The following ZEB2 variants were observed in gnomAD, a reference collection of about 807,000 sequenced individuals.
ZEB2 encodes zinc finger E-box-binding homeobox 2.
Under a neutral mutation model 99.9 loss-of-function variants are expected in ZEB2, and 6 were observed. That is an observed-to-expected ratio of 0.06 (90% CI 0.03 to 0.12). ZEB2 has a LOEUF of 0.12. Ranked by LOEUF, ZEB2 falls within the 10% of genes least tolerant of loss-of-function variation. The pLI is 1.00. For synonymous variants in ZEB2, 517 were observed against 542.5 expected (o/e 0.95, Z 0.65); for missense variants, 969 against 1,502.8 (o/e 0.64, Z 5.87).
intron 2 of ZEB2, chr2:144,516,694 C>A (rs1705151986): frequency 6.6e-6 from 1 of 151,988 alleles, no homozygotes; most frequent in Non-Finnish European, 1.5e-5. Flanking sequence ...CTCCCTCCCA[C>A]CCCGGGGTCT....
Position 144,406,691 on chromosome 2 carries a change from T to C in ZEB2, c.404-1667A>G, listed in dbSNP as rs180800721. On this transcript the variant is annotated intron_variant, in intron 4 of 9. Transcript: ENST00000627532. Reference sequence around the variant, plus strand: ...AGCAGGTAAGAGCTTGTTTAAGGATTTGGGTTTTTACTCTAAAAGAAGCAG... The same window carrying C: ...AGCAGGTAAGAGCTTGTTTAAGGATCTGGGTTTTTACTCTAAAAGAAGCAG... Among the ~76,000 whole-genome samples the C allele has an allele frequency of 2.6e-5, 4 of 152,198 alleles. No homozygotes were observed. In the East Asian group the frequency reaches 5.8e-4, roughly 22 times the overall value.
At chr2:144,403,659 A>G (rs1041325249) in intron 6 of ZEB2, among the ~76,000 whole-genome samples, 2 of 152,230 alleles carry the variant, frequency 1.3e-5, no homozygotes, top group Non-Finnish European at 2.9e-5. Flanking sequence ...ATAAAAATGA[A>G]ACTAAAGTCA....
intron 2 of ZEB2, among the ~76,000 whole-genome samples, chr2:144,482,978 G>T (rs1704535654): frequency 6.6e-6 from 1 of 151,966 alleles, no homozygotes; most frequent in African/African-American, 2.4e-5. Context: ...TAAAAATCCA[G>T]CATTCACTTA....
chr2:144,461,561 G>GC (rs1704194727), intron 2 of ZEB2: 1 of 152,130 alleles, frequency 6.6e-6, no homozygotes, highest in African/African-American at 2.4e-5. Flanking sequence ...CGCAACAATT[G>GC]CAACTGTGTG....
rs994006096 is a variant in ZEB2, at chr2:144,443,122, T to C, written c.74-13096A>G. ...GCTAATGACAATAGGGAAATAAATA[T>C]TACAGTTTCAAAAAATAGATCATTG... On this transcript the variant is annotated intron_variant, in intron 2 of 9. Coordinates refer to ENST00000627532, the MANE Select transcript of ZEB2 (RefSeq NM_014795.4). 2.6e-5 allele frequency among the ~76,000 whole-genome samples: 4 copies of C among 152,166 alleles called. No homozygotes were observed. The East Asian group carries it at 5.8e-4, about 22-fold the overall frequency.
chr2:144,507,852 C>T (rs1328222799), intron 2 of ZEB2, among the ~76,000 whole-genome samples: 5 of 152,148 alleles, frequency 3.3e-5, no homozygotes, highest in South Asian at 2.1e-4. Flanking sequence ...GGTTGGCAAT[C>T]GGAGAATAAT....
intron 9 of ZEB2, chr2:144,394,285 T>A (rs1703192537): frequency 6.6e-6 from 1 of 152,202 alleles, no homozygotes; most frequent in Admixed American, 6.5e-5. Context: ...CTCTCAACTA[T>A]CTACAGACCT....
Position 144,386,451 on chromosome 2 carries a change from G to C in ZEB2, c.*3000C>G, listed in dbSNP as rs1391082156. The C allele has an allele frequency of 6.6e-6, 1 of 152,104 alleles. No homozygotes were observed. Among genetic ancestry groups the C allele is most frequent in the Non-Finnish European group, 1.5e-5 (1 of 68,008 alleles). The allele number at this position is 152,104 out of a possible 1,614,324, so 9.4% of individuals were successfully genotyped here. A position where few individuals can be genotyped will look rare whatever the true frequency, so the allele number is the denominator to read the frequency against. ...TGTCACAATTCACAAGTGTTATCCTGATATTTTCAGACTCAGGTATTCTGA... is the reference window on the plus strand; with the variant it reads ...TGTCACAATTCACAAGTGTTATCCTCATATTTTCAGACTCAGGTATTCTGA... On this transcript the variant is annotated 3_prime_UTR_variant, in exon 10 of 10. Transcript: ENST00000627532.
chr2:144,411,123 T>TACACAC (rs3073686), intron 4 of ZEB2, among the ~76,000 whole-genome samples: 14 of 117,584 alleles, frequency 1.2e-4, no homozygotes, highest in African/African-American at 2.9e-4. Flanking sequence ...ATCTCATATA[T>TACACAC]ACACACACAC....
chr2:144,393,687 T>C (rs1326158113), intron 9 of ZEB2, among the ~76,000 whole-genome samples: 1 of 152,146 alleles, frequency 6.6e-6, no homozygotes, highest in East Asian at 1.9e-4. Context: ...GAATAGAACC[T>C]AATACACTGA....
intron 2 of ZEB2, chr2:144,430,778 C>T (rs975648323): frequency 6.5e-6 from 1 of 153,452 alleles, no homozygotes; most frequent in African/African-American, 2.4e-5. Flanking sequence ...AGCCCTCAGT[C>T]CCAGCAATGC....
chr2:144,439,311 C>T (rs926961823), intron 2 of ZEB2, among the ~76,000 whole-genome samples: 1 of 152,092 alleles, frequency 6.6e-6, no homozygotes, highest in Non-Finnish European at 1.5e-5. Flanking sequence ...CACAAAAGCT[C>T]CCCAGGCTGC....
intron 1 of ZEB2, chr2:144,518,880 G>A (rs960596163): frequency 1.3e-5 from 2 of 152,144 alleles, no homozygotes; most frequent in Non-Finnish European, 2.9e-5. Context: ...CTAGTTTTAT[G>A]GGCATGTGTG....
chr2:144,479,682 T>TGGGGGGG lies in ZEB2; in HGVS notation c.73+37595_73+37596insCCCCCCC, dbSNP rs140945730. Among the ~76,000 whole-genome samples the TGGGGGGG allele has an allele frequency of 6.7e-4, 20 of 29,836 alleles. 1 individual carries two copies. Among genetic ancestry groups the TGGGGGGG allele is most frequent in the Admixed American group, 1.1e-3 (3 of 2,736 alleles). The allele number at this position is 29,836 out of a possible 152,430, so 19.6% of individuals were successfully genotyped here. On this transcript the variant is annotated intron_variant, in intron 2 of 9. Coordinates refer to ENST00000627532, the MANE Select transcript of ZEB2 (RefSeq NM_014795.4). ...TAGTGAGTGTGTATGCTACTTTTTT[T>TGGGGGGG]TGGGGGGGGGGGCGGGGGGTGGACT... is the stretch of plus-strand genomic sequence containing the variant.
At chr2:144,509,250 C>G (rs1238617503) in intron 2 of ZEB2, among the ~76,000 whole-genome samples, 2 of 152,168 alleles carry the variant, frequency 1.3e-5, no homozygotes, top group African/African-American at 2.4e-5. Context: ...AGCATTATCC[C>G]CGTACCTCAC....
At chr2:144,438,885 T>C (rs1703870831) in intron 2 of ZEB2, among the ~76,000 whole-genome samples, 2 of 152,004 alleles carry the variant, frequency 1.3e-5, no homozygotes, top group Admixed American at 6.6e-5. Flanking sequence ...AACAGCATCA[T>C]TGCACCTCAC....
intron 9 of ZEB2, among the ~76,000 whole-genome samples, chr2:144,395,292 C>A (rs1201279442): frequency 6.6e-6 from 1 of 152,076 alleles, no homozygotes; most frequent in African/African-American, 2.4e-5. Context: ...AGCTGCTGCG[C>A]CTGGCTCATA....
chr2:144,511,946 G>A (rs1205154657), intron 2 of ZEB2: 3 of 1,286,984 alleles, frequency 2.3e-6, no homozygotes, highest in Non-Finnish European at 3.0e-6. Context: ...ATTTAATTCT[G>A]TATATTTTCA....
At chr2:144,426,380 T>C (rs1169122681) in intron 3 of ZEB2, 1 of 152,174 alleles carries the variant, frequency 6.6e-6, no homozygotes, top group African/African-American at 2.4e-5. Flanking sequence ...TAGATATAAA[T>C]ATAGCTTTTG....
Sources: allele counts gnomAD v4.1 joint callset (sites outside exome capture counted in the v4.1 genomes callset), GRCh38; gene constraint gnomAD v4.1.1; transcripts MANE v1.5; gene names NCBI Gene and HGNC (gene_info 2026-07-23, HGNC 2026-07-21).